Variants in JCAD observed in about 807,000 individuals in gnomAD.
JCAD encodes junctional cadherin 5-associated protein.
A neutral mutation model predicts 98.0 loss-of-function variants in JCAD; 40 were observed. The observed-to-expected ratio is 0.41, with a 90% CI of 0.32 to 0.53. The LOEUF (loss-of-function observed/expected upper bound fraction) is 0.53. Ranked by LOEUF, JCAD falls within the 20% of genes least tolerant of loss-of-function variation. The pLI, the probability that JCAD is intolerant of heterozygous loss-of-function variation, is 0.31. For missense variants in JCAD, 1,705 were observed against 1,738.1 expected (o/e 0.98, Z 0.34); for synonymous variants, 691 against 682.3 (o/e 1.01, Z -0.20).
chr10:30,052,068 C>G (rs996604742), intron 1 of JCAD, among the ~76,000 whole-genome samples: 1 of 152,194 alleles, frequency 6.6e-6, no homozygotes, highest in Admixed American at 6.5e-5. Context: ...TATTGCATGG[C>G]ACCTTTTCAA....
rs147229380 is a variant in JCAD at position 30,103,856 on chromosome 10, C to T, written n.128+11511G>A. On this transcript the variant is annotated intron_variant and non_coding_transcript_variant, in intron 1 of 2. Transcript: ENST00000465712. The stretch of plus-strand genomic sequence containing the variant: ...AAGCGATTCTCCTACCTCAGCCTCC[C>T]GAGTAGCTGGGATTACAGGCATGCA... Among the ~76,000 whole-genome samples, 57 of 151,922 alleles carry T rather than the reference C, an allele frequency of 3.8e-4. No individual in the cohort carries two copies. The East Asian group carries it at 9.7e-3, about 26-fold the overall frequency.
intron 2 of JCAD, chr10:30,069,600 AAC>A (rs772430817): frequency 1.1e-5 from 1 of 88,848 alleles, no homozygotes; most frequent in Non-Finnish European, 2.1e-5. Flanking sequence ...AAACAACAAC[AAC>A]CCCCCCCCCC....
intron 3 of JCAD, among the ~76,000 whole-genome samples, chr10:30,018,224 C>G (rs1189786319): frequency 6.6e-6 from 1 of 152,096 alleles, no homozygotes; most frequent in Admixed American, 6.5e-5. Flanking sequence ...TGTTTCCAAA[C>G]TGGCAGTGAT....
Position 30,028,009 on chromosome 10 carries a change from C to T in JCAD, c.2139G>A (p.Pro713=), listed in dbSNP as rs1836874552. ...QLLPGAKLGG[P]SRAALSPKCS... ...ATTTTGGACTCAATGCTGCACGACT[C>T]GGCCCTCCCAGCTTTGCACCAGGGA... Residue 713 remains proline, a synonymous_variant, in exon 3 of 4, where the codon CCG becomes CCA. Transcript: ENST00000375377. 1.2e-6 allele frequency: 2 copies of T among 1,614,240 alleles called. No homozygotes were observed. The highest frequency in any genetic ancestry group is 1.1e-5 in the South Asian group (1 of 91,088).
chr10:30,031,769 T>G (rs1837001615), intron 2 of JCAD, among the ~76,000 whole-genome samples: 1 of 129,960 alleles, frequency 7.7e-6, no homozygotes, highest in African/African-American at 2.9e-5. Context: ...TTTTTTTTTT[T>G]TTTGAGACGG....
chr10:30,098,775 TATC>T (rs999621954), intron 1 of JCAD, among the ~76,000 whole-genome samples: 3 of 152,206 alleles, frequency 2.0e-5, no homozygotes, highest in African/African-American at 7.2e-5. Context: ...AATAACTTAT[TATC>T]ATGAAATCTT....
intron 2 of JCAD, among the ~76,000 whole-genome samples, chr10:30,064,639 G>A (rs1837753030): frequency 6.6e-6 from 1 of 151,008 alleles, no homozygotes; most frequent in South Asian, 2.1e-4. Flanking sequence ...ATGAAACTTT[G>A]TACCCATTGA....
intron 3 of JCAD, among the ~76,000 whole-genome samples, chr10:30,020,316 G>C (rs780852708): frequency 8.7e-6 from 1 of 114,900 alleles, no homozygotes; most frequent in African/African-American, 3.5e-5. Context: ...AACAGAGTGA[G>C]ACTCGGTCTC....
intron 3 of JCAD, among the ~76,000 whole-genome samples, chr10:30,020,930 A>C (rs1271853919): frequency 6.6e-6 from 1 of 152,224 alleles, no homozygotes; most frequent in Non-Finnish European, 1.5e-5. Flanking sequence ...ATTACATAAC[A>C]CTAGGCATGG....
At position 30,026,275 on chromosome 10, in the gene JCAD, G is replaced by A. The variant is rs1676786437; in HGVS notation, c.3873C>T (p.Thr1291=). ...SQEDAEELKA[T]TRGQAGLPGG... ...CCGGGAGCCCGGCCTGGCCCCTTGT[G>A]GTGGCCTTCAATTCCTCGGCGTCCT... Residue 1291 remains threonine, a synonymous_variant, in exon 3 of 4, where the codon ACC becomes ACT. Transcript: ENST00000375377. 6.2e-7 allele frequency: 1 copy of A among 1,613,686 alleles called. No homozygotes were observed. Among genetic ancestry groups the A allele is most frequent in the African/African-American group, 1.3e-5 (1 of 74,938 alleles).
chr10:30,086,553 A>G (rs1838169885), intron 1 of JCAD, among the ~76,000 whole-genome samples: 1 of 152,192 alleles, frequency 6.6e-6, no homozygotes, highest in South Asian at 2.1e-4. Context: ...CATGTCACAA[A>G]TCCTGATCAT....
At chr10:30,022,316 G>GCA (rs1836676222) in intron 3 of JCAD, among the ~76,000 whole-genome samples, 4 of 152,180 alleles carry the variant, frequency 2.6e-5, no homozygotes, top group Non-Finnish European at 5.9e-5. Flanking sequence ...CAGAACAGAT[G>GCA]CTTGAATTTA....
chr10:30,026,147 G>C lies in JCAD; in HGVS notation c.4001C>G (p.Ala1334Gly). 1 of 1,614,180 alleles carries C rather than the reference G, an allele frequency of 6.2e-7. No individual in the cohort carries two copies. Among genetic ancestry groups the C allele is most frequent in the Non-Finnish European group, 8.5e-7 (1 of 1,180,038 alleles). ...SISREEKEHP[A>G]AQKEKSMDQD... ...ATCCATGCTCTTCTCCTTTTGTGCTGCCGGATGCTCCTTCTCTTCCCTGGA... is the reference window on the plus strand; with the variant it reads ...ATCCATGCTCTTCTCCTTTTGTGCTCCCGGATGCTCCTTCTCTTCCCTGGA... Residue 1334 changes from alanine (A) to glycine (G), a missense_variant, in exon 3 of 4, where the codon GCA becomes GGA. By Grantham distance (60) the Ala-to-Gly change is moderately conservative. Transcript: ENST00000375377.
At chr10:30,073,096 G>A (rs1837922914) in intron 1 of JCAD, among the ~76,000 whole-genome samples, 1 of 152,346 alleles carries the variant, frequency 6.6e-6, no homozygotes, top group African/African-American at 2.4e-5. Context: ...CATTTGGGGA[G>A]CTGAAGGTAT....
intron 1 of JCAD, among the ~76,000 whole-genome samples, chr10:30,106,776 C>G (rs1195686067): frequency 6.6e-6 from 1 of 152,212 alleles, no homozygotes; most frequent in African/African-American, 2.4e-5. Flanking sequence ...GCTGGGATTA[C>G]AGGAGTGAGC....
intron 1 of JCAD, among the ~76,000 whole-genome samples, chr10:30,050,398 A>C (rs1312305044): frequency 6.6e-6 from 1 of 152,036 alleles, no homozygotes; most frequent in Non-Finnish European, 1.5e-5. Flanking sequence ...GACTAGAACA[A>C]AGTCCCCAGG....
At chr10:30,023,964 G>A (rs1836722913) in intron 3 of JCAD, among the ~76,000 whole-genome samples, 1 of 152,140 alleles carries the variant, frequency 6.6e-6, no homozygotes, top group Non-Finnish European at 1.5e-5. Context: ...AAGAATTCAA[G>A]ACCAACCTGA....
chr10:30,047,625 T>C lies in JCAD; in HGVS notation c.188A>G (p.Lys63Arg). The C allele has an allele frequency of 6.2e-7, 1 of 1,614,126 alleles. No homozygotes were observed. Among genetic ancestry groups the C allele is most frequent in the South Asian group, 1.1e-5 (1 of 91,074 alleles). Residue 63 changes from lysine (K) to arginine (R), a missense_variant, in exon 2 of 4, where the codon AAA becomes AGA. Around this residue, in one of 3 missense-constraint regions of JCAD, gnomAD observed 152 missense variants for 148.0 expected, o/e 1.03. Transcript: ENST00000375377. Reference sequence around the variant, plus strand: ...GCTTTCGGAGTCACTCACATGTCCTTTCCCCGCGGACGTCTTACGATGTGC... The same window carrying C: ...GCTTTCGGAGTCACTCACATGTCCTCTCCCCGCGGACGTCTTACGATGTGC... ...ALAHRKTSAGKGHVSDSESRR... is the reference protein window; with the variant it reads ...ALAHRKTSAGRGHVSDSESRR...
chr10:30,037,290 A>G (rs1837136042), intron 2 of JCAD, among the ~76,000 whole-genome samples: 1 of 152,222 alleles, frequency 6.6e-6, no homozygotes, highest in Non-Finnish European at 1.5e-5. Context: ...TCCCTCTGAT[A>G]CAGGGTAACG....
Sources: gnomAD v4.1 joint callset for allele counts (sites outside exome capture counted in the v4.1 genomes callset) on GRCh38, gnomAD v4.1.1 for gene constraint, gnomAD v4.1.1 regional missense constraint, MANE v1.5 for transcripts, NCBI Gene and HGNC (gene_info 2026-07-23, HGNC 2026-07-21) for gene names.